The following TRPM7 variants were observed in gnomAD, a reference collection of about 807,000 sequenced individuals.
TRPM7 encodes the protein LTRPC ion channel family member 7.
Under a neutral mutation model 229.7 loss-of-function variants are expected in TRPM7, and 134 were observed. The observed-to-expected ratio is 0.58, with a 90% CI of 0.51 to 0.67. The LOEUF is 0.67. TRPM7 is among the 30% of genes least tolerant of loss of function. The pLI is 0.00. For missense variants in TRPM7, 1,901 were observed against 2,210.0 expected (o/e 0.86, Z 2.80); for synonymous variants, 699 against 715.2 (o/e 0.98, Z 0.36).
chr15:50,686,157 A>G (rs1046471318), intron 1 of TRPM7, among the ~76,000 whole-genome samples: 1 of 152,156 alleles, frequency 6.6e-6, no homozygotes, highest in African/African-American at 2.4e-5. Flanking sequence ...CGCCAGGAGG[A>G]CCGTGCTCCC....
rs1257584763 is a variant in TRPM7 at position 50,648,728 on chromosome 15, CTCCA to C, written c.276_279del (p.Tyr92Ter). On this transcript the variant is annotated frameshift_variant, in exon 4 of 39. Transcript: ENST00000646667. LOFTEE classifies it high-confidence loss of function. Reference sequence around the variant, plus strand: ...TGAGAACCCCCTTGAAAATTTATGACTCCATAAGCATCCGTTGGGCTCTGTTCTG... The same window carrying C: ...TGAGAACCCCCTTGAAAATTTATGACTAAGCATCCGTTGGGCTCTGTTCTG... 2 of 1,612,502 alleles carry C rather than the reference CTCCA, an allele frequency of 1.2e-6. No individual in the cohort carries two copies. The highest frequency in any genetic ancestry group is 1.7e-6 in the Non-Finnish European group (2 of 1,179,138).
chr15:50,631,410 G>A lies in TRPM7; in HGVS notation c.1204+7C>T, dbSNP rs2060727200. 6.3e-7 allele frequency: 1 copy of A among 1,594,290 alleles called. No homozygotes were observed. The highest frequency in any genetic ancestry group is 8.6e-7 in the Non-Finnish European group (1 of 1,166,546). On this transcript the variant is annotated splice_region_variant and intron_variant, in intron 10 of 38. Coordinates refer to ENST00000646667, the MANE Select transcript of TRPM7 (RefSeq NM_017672.6). Reference sequence around the variant, plus strand: ...TCTTACAAATAAAAAAGTTCTTAGAGGCTTACCTTTTAGCAGTGCAGTAAG... The same window carrying A: ...TCTTACAAATAAAAAAGTTCTTAGAAGCTTACCTTTTAGCAGTGCAGTAAG...
intron 9 of TRPM7, among the ~76,000 whole-genome samples, chr15:50,632,171 C>T (rs550959854): frequency 5.5e-4 from 83 of 151,862 alleles, no homozygotes; most frequent in South Asian, 4.6e-3. Flanking sequence ...GGCATGGTGG[C>T]GTATGCCTGT....
rs1217089067 is a variant in TRPM7, at chr15:50,645,338, G to A, written c.322-1785C>T. Among the ~76,000 whole-genome samples the A allele has an allele frequency of 2.0e-5, 3 of 151,708 alleles. No individual in the cohort carries two copies. The East Asian group carries it at 5.8e-4, about 30-fold the overall frequency. ...ATTATAGGCATGAGCTACCACACCA[G>A]ACCAAGAATGCTTTGTAAATAGGAT... On this transcript the variant is annotated intron_variant, in intron 4 of 38. Coordinates refer to ENST00000646667, the MANE Select transcript of TRPM7 (RefSeq NM_017672.6).
At chr15:50,667,178 A>G (rs1165665340) in intron 1 of TRPM7, among the ~76,000 whole-genome samples, 2 of 152,104 alleles carry the variant, frequency 1.3e-5, no homozygotes, top group Non-Finnish European at 2.9e-5. Context: ...AGCTCTCTGC[A>G]TGTCTGGATC....
At position 50,643,542 on chromosome 15, in the gene TRPM7, T is replaced by G. The variant is rs1322603045; in HGVS notation, c.333A>C (p.Leu111=). The change falls in exon 5 of 39, where the codon CTA becomes CTC. Residue 111 remains leucine (L), a synonymous_variant. Coordinates refer to ENST00000646667, the MANE Select transcript of TRPM7 (RefSeq NM_017672.6). The stretch of plus-strand genomic sequence containing the variant: ...TGACTTCAGGTTTGGTGTCATATGA[T>G]AGCCTCACATACTAGAAAAAGATTT... ...SHSYRAKYVR[L]SYDTKPEVIL... The G allele has an allele frequency of 6.2e-7, 1 of 1,613,538 alleles. No homozygotes were observed. The highest frequency in any genetic ancestry group is 8.5e-7 in the Non-Finnish European group (1 of 1,179,530).
intron 26 of TRPM7, among the ~76,000 whole-genome samples, chr15:50,591,599 C>A (rs905138867): frequency 3.3e-5 from 5 of 151,794 alleles, no homozygotes; most frequent in Admixed American, 1.3e-4. Context: ...TGGGTGCAAG[C>A]AGTTCGCCTG....
chr15:50,562,254 G>A (rs1337981982), intron 38 of TRPM7, among the ~76,000 whole-genome samples: 2 of 152,006 alleles, frequency 1.3e-5, no homozygotes, highest in Admixed American at 6.6e-5. Flanking sequence ...TTTTCCATCA[G>A]GTTGTTATAA....
At chr15:50,670,192 C>A (rs930081693) in intron 1 of TRPM7, among the ~76,000 whole-genome samples, 5 of 152,104 alleles carry the variant, frequency 3.3e-5, no homozygotes, top group Admixed American at 6.6e-5. Flanking sequence ...AAAGGTGTAT[C>A]TTCATCCCTC....
At chr15:50,652,260 G>A (rs1020588593) in intron 3 of TRPM7, among the ~76,000 whole-genome samples, 4 of 147,722 alleles carry the variant, frequency 2.7e-5, no homozygotes, top group African/African-American at 7.5e-5. Flanking sequence ...TTGAACCTGG[G>A]AGGCGGAGAT....
At chr15:50,684,533 C>T (rs569839131) in intron 1 of TRPM7, among the ~76,000 whole-genome samples, 179 of 151,864 alleles carry the variant, frequency 1.2e-3, no homozygotes, top group Non-Finnish European at 1.0e-3. Flanking sequence ...CCCAGCTACT[C>T]GGGAGGCTGA....
intron 12 of TRPM7, among the ~76,000 whole-genome samples, chr15:50,620,234 A>G (rs968117964): frequency 2.0e-4 from 31 of 152,188 alleles, no homozygotes; most frequent in African/African-American, 7.5e-4. Flanking sequence ...ATGCAGCCCA[A>G]GATGGCTTTG....
In TRPM7 at chr15:50,584,086, T is replaced by C. The variant is rs1464197371; in HGVS notation, c.4487-927A>G. ...TACCTTTGTTGTCATATCTTATTTA[T>C]CCGAAATGAACTTTAGAATTAAGCC... On this transcript the variant is annotated intron_variant, in intron 28 of 38. Coordinates refer to ENST00000646667, the MANE Select transcript of TRPM7 (RefSeq NM_017672.6). 3.3e-5 allele frequency among the ~76,000 whole-genome samples: 5 copies of C among 152,182 alleles called. No individual in the cohort carries two copies. In the East Asian group the frequency reaches 9.6e-4, roughly 29 times the overall value.
chr15:50,678,506 T>TAAAA (rs10553093), intron 1 of TRPM7, among the ~76,000 whole-genome samples: 14 of 128,742 alleles, frequency 1.1e-4, no homozygotes, highest in African/African-American at 4.2e-4. Flanking sequence ...TTCCATTCTT[T>TAAAA]AAAAAAAAAA....
intron 5 of TRPM7, among the ~76,000 whole-genome samples, chr15:50,641,133 G>GA (rs1283204342): frequency 6.6e-6 from 1 of 152,018 alleles, no homozygotes; most frequent in Non-Finnish European, 1.5e-5. Context: ...ACTCCATTTT[G>GA]AAAACATCAT....
chr15:50,628,113 A>G lies in TRPM7; in HGVS notation c.1305+36T>C, dbSNP rs1279959009. 4 of 1,422,246 alleles carry G rather than the reference A, an allele frequency of 2.8e-6. No individual in the cohort carries two copies. In the South Asian group the frequency reaches 3.6e-5, roughly 13 times the overall value. The allele number at this position is 1,422,246 out of a possible 1,614,324, so 88.1% of individuals were successfully genotyped here. On this transcript the variant is annotated intron_variant, in intron 11 of 38. Coordinates refer to ENST00000646667, the MANE Select transcript of TRPM7 (RefSeq NM_017672.6). ...AAATACTTTTTTATTACTTAGTGTA[A>G]TTTAATTGTATTGTGTATGTAGATT...
chr15:50,569,582 A>G (rs1452917446), intron 38 of TRPM7, among the ~76,000 whole-genome samples: 1 of 152,148 alleles, frequency 6.6e-6, no homozygotes, highest in African/African-American at 2.4e-5. Flanking sequence ...TCAATATTCA[A>G]CATGAGGCTA....
At chr15:50,678,216 G>T (rs992354409) in intron 1 of TRPM7, among the ~76,000 whole-genome samples, 3 of 145,604 alleles carry the variant, frequency 2.1e-5, no homozygotes, top group African/African-American at 7.6e-5. Context: ...CTCCAGCCTG[G>T]GCAACAGAGT....
chr15:50,596,648 G>C (rs1233997860), intron 22 of TRPM7, among the ~76,000 whole-genome samples: 16 of 152,144 alleles, frequency 1.1e-4, no homozygotes, highest in Admixed American at 1.0e-3. Context: ...GTATATTTAG[G>C]TGTTATATTT....
Sources: gnomAD v4.1 joint callset for allele counts (sites outside exome capture counted in the v4.1 genomes callset) on GRCh38, gnomAD v4.1.1 for gene constraint, MANE v1.5 for transcripts, NCBI Gene and HGNC (gene_info 2026-07-23, HGNC 2026-07-21) for gene names.